Variants in SCFD1 observed in about 807,000 individuals in gnomAD.
SCFD1 encodes sec1 family domain containing 1, also known as sec1 family domain-containing protein 1.
SCFD1 carries 37 observed loss-of-function variants against 103.2 expected under a neutral mutation model. The ratio of observed to expected loss-of-function variants is 0.36; its 90% CI spans 0.28 to 0.47. SCFD1 has a LOEUF of 0.47. Ranked by LOEUF, SCFD1 falls within the 20% of genes least tolerant of loss-of-function variation. The pLI, the probability that SCFD1 is intolerant of heterozygous loss-of-function variation, is 1.00. For synonymous variants in SCFD1, 264 were observed against 245.0 expected, an observed-to-expected ratio of 1.08 and a Z score of -0.73; for missense variants, 639 against 761.2, an observed-to-expected ratio of 0.84 and a Z score of 1.89.
At chr14:30,662,535 A>G (rs1187254857) in intron 10 of SCFD1, among the ~76,000 whole-genome samples, 1 of 152,190 alleles carries the variant, frequency 6.6e-6, no homozygotes, top group Non-Finnish European at 1.5e-5. Context: ...TGGAAGTTGA[A>G]GACTCACCTT....
rs1409476290 is a variant in SCFD1, at chr14:30,719,015, A to G, written c.1684-310A>G. On this transcript the variant is annotated intron_variant, in intron 20 of 24. Transcript: ENST00000458591. ...TTGAAAATAGACTGCCTGGGTTCAA[A>G]TCCTGTAGTTCCCATACTTACTAAT... Among the ~76,000 whole-genome samples, 6 of 152,214 alleles carry G rather than the reference A, an allele frequency of 3.9e-5. No homozygotes were observed. The East Asian group carries it at 1.2e-3, about 29-fold the overall frequency.
chr14:30,691,357 C>T lies in SCFD1; in HGVS notation c.1243-3416C>T, dbSNP rs572711831. Among the ~76,000 whole-genome samples, 46 of 152,284 alleles carry T rather than the reference C, an allele frequency of 3.0e-4. 1 individual carries two copies. The highest frequency in any genetic ancestry group is 1.1e-3 in the African/African-American group (46 of 41,562). On this transcript the variant is annotated intron_variant, in intron 14 of 24. Coordinates refer to ENST00000458591, the MANE Select transcript of SCFD1 (RefSeq NM_016106.4). Reference sequence around the variant, plus strand: ...GAGACATTTAATGGATCACTTGTATCTATTTTATGTTTAGGGTTCTGTAGA... The same window carrying T: ...GAGACATTTAATGGATCACTTGTATTTATTTTATGTTTAGGGTTCTGTAGA...
chr14:30,695,187 T>C (rs889182672), intron 15 of SCFD1, among the ~76,000 whole-genome samples: 4 of 152,320 alleles, frequency 2.6e-5, no homozygotes, highest in Middle Eastern at 3.4e-3. Flanking sequence ...TCAAAGCAAG[T>C]GTCTCTAAGT....
chr14:30,670,068 A>G lies in SCFD1; in HGVS notation c.856-188A>G. The G allele has an allele frequency of 8.2e-6, 4 of 490,522 alleles. No homozygotes were observed. The Middle Eastern group carries it at 2.4e-3, about 292-fold the overall frequency. 30.4% of individuals were successfully genotyped at this position (490,522 alleles called of 1,614,324 possible). ...TTCTCTTTTTCTTGTTTGAAATTTTAATATACATCTAATACTTTCATTAAA... is the reference window on the plus strand; with the variant it reads ...TTCTCTTTTTCTTGTTTGAAATTTTGATATACATCTAATACTTTCATTAAA... On this transcript the variant is annotated intron_variant, in intron 10 of 24. Coordinates refer to ENST00000458591, the MANE Select transcript of SCFD1 (RefSeq NM_016106.4).
intron 17 of SCFD1, among the ~76,000 whole-genome samples, chr14:30,704,707 C>G (rs564307569): frequency 5.3e-5 from 8 of 152,034 alleles, no homozygotes; most frequent in African/African-American, 1.9e-4. Flanking sequence ...ATTTTTTTCC[C>G]TTATAAAATT....
At chr14:30,641,757 G>A (rs1388196937) in intron 6 of SCFD1, among the ~76,000 whole-genome samples, 2 of 151,982 alleles carry the variant, frequency 1.3e-5, no homozygotes, top group South Asian at 2.1e-4. Context: ...TGTTGTCTGG[G>A]TGGGCCACGC....
At chr14:30,683,885 G>A (rs1339348763) in intron 14 of SCFD1, among the ~76,000 whole-genome samples, 3 of 152,156 alleles carry the variant, frequency 2.0e-5, no homozygotes, top group African/African-American at 7.2e-5. Context: ...GGTTATTGGG[G>A]ATAGAATTGG....
chr14:30,728,428 G>A (rs557307239), intron 23 of SCFD1, among the ~76,000 whole-genome samples: 68 of 152,166 alleles, frequency 4.5e-4, no homozygotes, highest in Admixed American at 9.8e-4. Flanking sequence ...TTTCTGCTGC[G>A]GCCTCTAATA....
At chr14:30,735,106 A>C (rs1464186338) in intron 24 of SCFD1, 3 of 393,808 alleles carry the variant, frequency 7.6e-6, no homozygotes, top group Non-Finnish European at 1.4e-5. Context: ...GATCCTTTAG[A>C]AATACAAAAA....
At chr14:30,673,587 G>A (rs1243711374) in intron 12 of SCFD1, among the ~76,000 whole-genome samples, 1 of 152,086 alleles carries the variant, frequency 6.6e-6, no homozygotes, top group East Asian at 1.9e-4. Context: ...TTCCAATGCT[G>A]CTCATTCTAC....
At chr14:30,694,507 A>C (rs924104906) in intron 14 of SCFD1, among the ~76,000 whole-genome samples, 3 of 151,986 alleles carry the variant, frequency 2.0e-5, no homozygotes, top group South Asian at 2.1e-4. Context: ...CCCCATCTCT[A>C]TAAAAAAAAA....
At chr14:30,718,895 G>A (rs1429447113) in intron 20 of SCFD1, among the ~76,000 whole-genome samples, 1 of 152,178 alleles carries the variant, frequency 6.6e-6, no homozygotes, top group African/African-American at 2.4e-5. Context: ...GTAGCAACAT[G>A]TGTAGCATAT....
intron 17 of SCFD1, among the ~76,000 whole-genome samples, chr14:30,704,931 G>A (rs1315964722): frequency 2.0e-5 from 3 of 152,064 alleles, no homozygotes; most frequent in African/African-American, 7.2e-5. Context: ...ATCTTAACAG[G>A]GGTTACCTCA....
At chr14:30,668,437 A>G (rs529057751) in intron 10 of SCFD1, among the ~76,000 whole-genome samples, 6 of 152,362 alleles carry the variant, frequency 3.9e-5, no homozygotes, top group Admixed American at 2.6e-4. Context: ...ACCTAAAACC[A>G]TAAAAACCCT....
At chr14:30,639,682 TCA>T in intron 5 of SCFD1, 93 bp from the exon 6 acceptor site, 1 of 1,275,376 alleles carries the variant, frequency 7.8e-7, no homozygotes, top group Non-Finnish European at 1.0e-6. Flanking sequence ...GGATTTTTTT[TCA>T]TTTCTACCAT....
intron 10 of SCFD1, among the ~76,000 whole-genome samples, chr14:30,660,184 C>CGCCT (rs1464303054): frequency 2.0e-5 from 3 of 152,154 alleles, no homozygotes; most frequent in African/African-American, 7.2e-5. Context: ...CCTCCCTCCT[C>CGCCT]ACTTCTTTTT....
At chr14:30,629,577 A>ATTT (rs571309645) in intron 2 of SCFD1, among the ~76,000 whole-genome samples, 22 of 135,564 alleles carry the variant, frequency 1.6e-4, no homozygotes, top group Non-Finnish European at 2.9e-4. Flanking sequence ...TAGGGACTTA[A>ATTT]TTTTTTTTTT....
At chr14:30,716,633 A>G (rs888119274) in intron 20 of SCFD1, among the ~76,000 whole-genome samples, 1 of 152,248 alleles carries the variant, frequency 6.6e-6, no homozygotes, top group Non-Finnish European at 1.5e-5. Flanking sequence ...AACAGGCAGC[A>G]TGAGCCTACC....
At chr14:30,695,886 A>G (rs1455131048) in intron 15 of SCFD1, among the ~76,000 whole-genome samples, 1 of 151,826 alleles carries the variant, frequency 6.6e-6, no homozygotes, top group Non-Finnish European at 1.5e-5. Context: ...ACAAACAAAC[A>G]AAAAAAACCA....
Sources: gnomAD v4.1 joint callset for allele counts (sites outside exome capture counted in the v4.1 genomes callset) on GRCh38, gnomAD v4.1.1 for gene constraint, MANE v1.5 for transcripts, NCBI Gene and HGNC (gene_info 2026-07-23, HGNC 2026-07-21) for gene names.